PRKAR2A: variants seen among roughly 807,000 people sequenced by gnomAD.
PRKAR2A encodes the protein cAMP-dependent protein kinase type II-alpha regulatory subunit.
A neutral mutation model predicts 51.9 loss-of-function variants in PRKAR2A; 29 were observed. The ratio of observed to expected loss-of-function variants is 0.56; its 90% CI spans 0.42 to 0.76. The LOEUF (loss-of-function observed/expected upper bound fraction) is 0.76, where lower values mean the gene tolerates loss of function less well. PRKAR2A is among the 30% of genes least tolerant of loss of function. The pLI, the probability that PRKAR2A is intolerant of heterozygous loss-of-function variation, is 0.00. For missense variants in PRKAR2A, 445 were observed against 512.1 expected, an observed-to-expected ratio of 0.87 and a Z score of 1.26; for synonymous variants, 178 against 186.2, an observed-to-expected ratio of 0.96 and a Z score of 0.36.
intron 1 of PRKAR2A, among the ~76,000 whole-genome samples, chr3:48,825,030 T>A (rs1213282345): frequency 4.3e-5 from 1 of 23,188 alleles, no homozygotes; most frequent in Non-Finnish European, 9.2e-5. Flanking sequence ...TTTCTTTTCT[T>A]TTTTTTTTTT....
At chr3:48,768,558 C>T (rs1404015315) in intron 6 of PRKAR2A, among the ~76,000 whole-genome samples, 1 of 151,280 alleles carries the variant, frequency 6.6e-6, no homozygotes, top group Non-Finnish European at 1.5e-5. Flanking sequence ...ATTAGCTGGG[C>T]ATGGTGGTGT....
At position 48,829,871 on chromosome 3, in the gene PRKAR2A, A is replaced by ATAT. The variant is rs1297832658; in HGVS notation, c.262+17463_262+17464insATA. Among the ~76,000 whole-genome samples the ATAT allele has an allele frequency of 7.6e-3, 667 of 87,710 alleles. 14 individuals are homozygous for ATAT. The highest frequency in any genetic ancestry group is 0.031 in the African/African-American group (584 of 18,668). The allele number at this position is 87,710 out of a possible 152,430, so 57.5% of individuals were successfully genotyped here. A position where few individuals can be genotyped will look rare whatever the true frequency, so the allele number is the denominator to read the frequency against. ...TGTATATATATATATATATATATATATTTTTTTTTTTTTTTTAAGCTTTTT... is the reference window on the plus strand; with the variant it reads ...TGTATATATATATATATATATATATATATTTTTTTTTTTTTTTTTAAGCTTTTT... On this transcript the variant is annotated intron_variant, in intron 1 of 10. Coordinates refer to ENST00000265563, the MANE Select transcript of PRKAR2A (RefSeq NM_004157.4).
rs2083477209 is a variant in PRKAR2A, at chr3:48,847,165, G to A, written c.262+170C>T. Among the ~76,000 whole-genome samples, 1 of 152,194 alleles carries A rather than the reference G, an allele frequency of 6.6e-6. No individual in the cohort carries two copies. On this transcript the variant is annotated intron_variant, in intron 1 of 10. Transcript: ENST00000265563. This position sits in a 1 kb window ranked among gnomAD's most constrained non-coding sequence, Gnocchi z 4.4. Reference sequence around the variant, plus strand: ...TCGCGGAGCTCAATTTGGAAGTGGCGCACGCGGGCTCACGCCGGTGTCTCA... The same window carrying A: ...TCGCGGAGCTCAATTTGGAAGTGGCACACGCGGGCTCACGCCGGTGTCTCA...
chr3:48,767,868 G>A (rs1045496186), intron 6 of PRKAR2A, among the ~76,000 whole-genome samples: 9 of 151,322 alleles, frequency 5.9e-5, no homozygotes, highest in Admixed American at 5.3e-4. Flanking sequence ...AGGTTGCAGT[G>A]AGCCAAGATC....
intron 1 of PRKAR2A, among the ~76,000 whole-genome samples, chr3:48,825,096 G>A (rs375100168): frequency 4.6e-4 from 57 of 122,926 alleles, no homozygotes; most frequent in African/African-American, 1.6e-3. Flanking sequence ...GTGCAATGGC[G>A]CAATCTCGGC....
intron 5 of PRKAR2A, among the ~76,000 whole-genome samples, chr3:48,781,264 G>A (rs1244811753): frequency 6.6e-6 from 1 of 151,578 alleles, no homozygotes; most frequent in East Asian, 1.9e-4. Flanking sequence ...AGCATTACAG[G>A]TGTGAGCCAC....
intron 4 of PRKAR2A, among the ~76,000 whole-genome samples, chr3:48,788,534 C>T (rs1409568278): frequency 6.6e-6 from 1 of 152,140 alleles, no homozygotes; most frequent in African/African-American, 2.4e-5. Context: ...AGAGAAGAAA[C>T]AGGAAATCTG....
At chr3:48,773,177 A>G in intron 5 of PRKAR2A, 69 bp from the exon 6 acceptor site, 1 of 1,261,156 alleles carries the variant, frequency 7.9e-7, no homozygotes, top group Non-Finnish European at 1.1e-6. Context: ...TGGCAGGTAC[A>G]TATAATAGAA....
chr3:48,823,087 A>C (rs1371335392), intron 1 of PRKAR2A, among the ~76,000 whole-genome samples: 1 of 151,638 alleles, frequency 6.6e-6, no homozygotes, highest in African/African-American at 2.4e-5. Flanking sequence ...TTTTTTTAAC[A>C]TAGAGACGAG....
rs1433106507 is a variant in PRKAR2A, at chr3:48,751,705, T to C, written c.1095A>G (p.Gln365=). Residue 365 remains glutamine (Q), a synonymous_variant, in exon 11 of 11, where the codon CAA becomes CAG. Coordinates refer to ENST00000265563, the MANE Select transcript of PRKAR2A (RefSeq NM_004157.4). ...AGGGCCCCAGAAGCCTCTCGAATGCTTGTACATCCATAACTGCATTGTTAA... is the reference window on the plus strand; with the variant it reads ...AGGGCCCCAGAAGCCTCTCGAATGCCTGTACATCCATAACTGCATTGTTAA... The part of the protein sequence containing the change: ...GDVKCLVMDV[Q]AFERLLGPCM... 4 of 1,612,810 alleles carry C rather than the reference T, an allele frequency of 2.5e-6. No individual in the cohort carries two copies. The highest frequency in any genetic ancestry group is 2.2e-5 in the East Asian group (1 of 44,824).
chr3:48,826,504 C>T (rs2083069345), intron 1 of PRKAR2A, among the ~76,000 whole-genome samples: 1 of 152,174 alleles, frequency 6.6e-6, no homozygotes, highest in Non-Finnish European at 1.5e-5. Context: ...GGATGATCCA[C>T]CAATTTTGTG....
At chr3:48,829,115 C>T (rs67332931) in intron 1 of PRKAR2A, among the ~76,000 whole-genome samples, 11,499 of 151,888 alleles carry the variant, frequency 0.076, 573 homozygotes, top group Middle Eastern at 0.11. Flanking sequence ...GGATTATAGG[C>T]GTGAGCCACC....
At chr3:48,837,779 A>C (rs1322028628) in intron 1 of PRKAR2A, among the ~76,000 whole-genome samples, 1 of 152,008 alleles carries the variant, frequency 6.6e-6, no homozygotes, top group Non-Finnish European at 1.5e-5. Flanking sequence ...AAAGAAATGA[A>C]GTTTATTTAG....
Position 48,847,849 on chromosome 3 carries a change from A to C in PRKAR2A, c.-253T>G. ...GGGGACCGACGGGCAGGCGAGCTGG[A>C]CGGGCGGGGCAGGCGTCCTGGTTGT... On this transcript the variant is annotated 5_prime_UTR_variant, in exon 1 of 11. Coordinates refer to ENST00000265563, the MANE Select transcript of PRKAR2A (RefSeq NM_004157.4). The surrounding 1 kb of genome is among the most constrained non-coding windows in gnomAD (Gnocchi z 4.4). The C allele has an allele frequency of 2.9e-6, 1 of 349,496 alleles. No individual in the cohort carries two copies. Among genetic ancestry groups the C allele is most frequent in the South Asian group, 1.2e-4 (1 of 8,412 alleles). 21.6% of individuals were successfully genotyped at this position (349,496 alleles called of 1,614,324 possible). A position where few individuals can be genotyped will look rare whatever the true frequency, so the allele number is the denominator to read the frequency against.
At chr3:48,822,728 T>G (rs1348421519) in intron 1 of PRKAR2A, among the ~76,000 whole-genome samples, 2 of 150,896 alleles carry the variant, frequency 1.3e-5, no homozygotes, top group Admixed American at 6.6e-5. Flanking sequence ...GATGTTGTTT[T>G]TTTTTTTTTT....
intron 8 of PRKAR2A, among the ~76,000 whole-genome samples, chr3:48,761,455 AC>A (rs2081862415): frequency 6.6e-6 from 1 of 152,168 alleles, no homozygotes; most frequent in South Asian, 2.1e-4. Context: ...TAGATGGAAA[AC>A]ATACATTAGA....
At chr3:48,814,438 C>A (rs913430812) in intron 1 of PRKAR2A, among the ~76,000 whole-genome samples, 1 of 152,102 alleles carries the variant, frequency 6.6e-6, no homozygotes, top group African/African-American at 2.4e-5. Flanking sequence ...AATAAATAAT[C>A]AAGGAGGAAA....
chr3:48,786,478 A>T (rs922905613), intron 4 of PRKAR2A, among the ~76,000 whole-genome samples: 9 of 150,186 alleles, frequency 6.0e-5, no homozygotes, highest in African/African-American at 2.2e-4. Context: ...ATGACTCAGT[A>T]ATCTTCCTCT....
chr3:48,783,737 C>T (rs1181005235), intron 4 of PRKAR2A, among the ~76,000 whole-genome samples: 4 of 152,124 alleles, frequency 2.6e-5, no homozygotes, highest in South Asian at 2.1e-4. Context: ...TGTGCCACCA[C>T]GCCTGGCAAA....
Sources: gnomAD v4.1 joint callset for allele counts (sites outside exome capture counted in the v4.1 genomes callset) on GRCh38, gnomAD v4.1.1 for gene constraint, Gnocchi (gnomAD v3.1) non-coding constraint, MANE v1.5 for transcripts, NCBI Gene and HGNC (gene_info 2026-07-23, HGNC 2026-07-21) for gene names.